Variants in RBFOX1 observed in about 807,000 individuals in gnomAD.
RBFOX1 encodes the protein RNA binding fox-1 homolog 1, also known as RNA binding protein fox-1 homolog 1.
A neutral mutation model predicts 57.7 loss-of-function variants in RBFOX1; 8 were observed. The ratio of observed to expected loss-of-function variants is 0.14; its 90% CI spans 0.08 to 0.25. RBFOX1 has a LOEUF of 0.25. Among genes scored for constraint, RBFOX1 ranks in the 10% least tolerant of loss-of-function variants. The pLI is 1.00. For missense variants in RBFOX1, 611 were observed against 548.5 expected (o/e 1.11, Z -1.14); for synonymous variants, 326 against 222.4 (o/e 1.47, Z -4.15).
intron 1 of RBFOX1, among the ~76,000 whole-genome samples, chr16:5,324,123 T>C (rs1830307): frequency 1 from 152,195 of 152,314 alleles, 76,039 homozygotes; most frequent in Non-Finnish European, 1. Context: ...GGGGAGGGGG[T>C]GGGGGCTGGA....
chr16:6,006,340 G>A (rs1006757159), intron 4 of RBFOX1, among the ~76,000 whole-genome samples: 2 of 151,308 alleles, frequency 1.3e-5, no homozygotes, highest in Non-Finnish European at 2.9e-5. Flanking sequence ...ACCAGTGAGT[G>A]CACACACAAG....
At chr16:6,821,195 G>A (rs955858813) in intron 3 of RBFOX1, among the ~76,000 whole-genome samples, 6 of 152,120 alleles carry the variant, frequency 3.9e-5, no homozygotes, top group African/African-American at 1.4e-4. Context: ...CCTGGATTTG[G>A]CTAGAAGTCC....
intron 14 of RBFOX1, among the ~76,000 whole-genome samples, chr16:7,688,280 A>ACAGG (rs1555779863): frequency 6.7e-5 from 10 of 149,980 alleles, no homozygotes; most frequent in Admixed American, 1.3e-4. Context: ...AGAGAGAGAG[A>ACAGG]GAGATTCAAT....
intron 3 of RBFOX1, among the ~76,000 whole-genome samples, chr16:5,833,932 C>G (rs986320898): frequency 1.3e-5 from 2 of 152,122 alleles, no homozygotes; most frequent in African/African-American, 4.8e-5. Flanking sequence ...GAGGATGACA[C>G]TTTTGTGGCA....
intron 8 of RBFOX1, chr16:7,597,084 T>C: frequency 4.1e-6 from 1 of 243,866 alleles, no homozygotes; most frequent in Non-Finnish European, 7.8e-6. Flanking sequence ...TTTTAAATCT[T>C]CAATTATGCA....
intron 2 of RBFOX1, among the ~76,000 whole-genome samples, chr16:6,364,998 G>A (rs1320881817): frequency 6.6e-6 from 1 of 152,120 alleles, no homozygotes; most frequent in Non-Finnish European, 1.5e-5. Flanking sequence ...CAGTATGTGT[G>A]GGAGGGTACC....
chr16:5,447,408 CT>C, intron 1 of RBFOX1, among the ~76,000 whole-genome samples: 1 of 151,782 alleles, frequency 6.6e-6, no homozygotes, highest in African/African-American at 2.4e-5. Flanking sequence ...CTCTCTCTCT[CT>C]CGACGCAGTC....
chr16:6,651,415 C>T lies in RBFOX1; in HGVS notation c.-63-3188C>T, dbSNP rs75372812. Reference sequence around the variant, plus strand: ...TTCCCCTGCTACACCCTTATCCATCCACCATCATGTCACACCTGGACTCCT... The same window carrying T: ...TTCCCCTGCTACACCCTTATCCATCTACCATCATGTCACACCTGGACTCCT... On this transcript the variant is annotated intron_variant, in intron 2 of 15. Transcript: ENST00000550418. Among the ~76,000 whole-genome samples the T allele has an allele frequency of 6.9e-3, 1,046 of 152,300 alleles. 4 individuals carry two copies. The highest frequency in any genetic ancestry group is 0.01 in the Non-Finnish European group (686 of 68,024).
At chr16:5,719,203 T>C (rs2051835050) in intron 3 of RBFOX1, among the ~76,000 whole-genome samples, 1 of 8,998 alleles carries the variant, frequency 1.1e-4, no homozygotes, top group Non-Finnish European at 4.2e-4. Context: ...TATTAGAATC[T>C]TTTTTTTTTT....
intron 3 of RBFOX1, among the ~76,000 whole-genome samples, chr16:5,754,186 CA>C (rs1567495080): frequency 1.3e-5 from 2 of 152,172 alleles, no homozygotes; most frequent in Non-Finnish European, 2.9e-5. Flanking sequence ...TTTTGAATCC[CA>C]CCTCTGCCAC....
intron 2 of RBFOX1, among the ~76,000 whole-genome samples, chr16:6,645,913 G>A (rs1388466969): frequency 6.6e-6 from 1 of 152,146 alleles, no homozygotes; most frequent in Non-Finnish European, 1.5e-5. Context: ...CAAAACTGGT[G>A]TGGTTGAGTC....
At chr16:6,397,461 G>C (rs1245498120) in intron 2 of RBFOX1, among the ~76,000 whole-genome samples, 1 of 151,906 alleles carries the variant, frequency 6.6e-6, no homozygotes, top group African/African-American at 2.4e-5. Context: ...ATCCTTCACA[G>C]AAATTAATAG....
chr16:5,471,252 T>C (rs1363421799), intron 2 of RBFOX1, among the ~76,000 whole-genome samples: 3 of 152,208 alleles, frequency 2.0e-5, no homozygotes, highest in East Asian at 3.9e-4. Context: ...GGAATTCCTA[T>C]TGAGGAAATG....
chr16:6,588,696 G>A (rs2097666547), intron 2 of RBFOX1, among the ~76,000 whole-genome samples: 3 of 152,046 alleles, frequency 2.0e-5, no homozygotes, highest in African/African-American at 7.2e-5. Context: ...GCATTTTTTG[G>A]TCTTCTATGA....
chr16:7,697,421 G>T (rs1289159536), intron 14 of RBFOX1, among the ~76,000 whole-genome samples: 3 of 152,082 alleles, frequency 2.0e-5, no homozygotes, highest in African/African-American at 7.2e-5. Context: ...TGTAGTAATT[G>T]TCCCTTGTTG....
At chr16:7,164,731 A>C (rs2079076953) in intron 4 of RBFOX1, among the ~76,000 whole-genome samples, 1 of 152,234 alleles carries the variant, frequency 6.6e-6, no homozygotes, top group Admixed American at 6.5e-5. Context: ...GCTGTATAGA[A>C]GTCTGTTGTT....
At chr16:5,421,836 T>A (rs1325369782) in intron 1 of RBFOX1, among the ~76,000 whole-genome samples, 1 of 152,092 alleles carries the variant, frequency 6.6e-6, no homozygotes, top group Admixed American at 6.5e-5. Flanking sequence ...CGTTGTTGGG[T>A]GAGCAAATCC....
intron 3 of RBFOX1, among the ~76,000 whole-genome samples, chr16:5,765,460 C>T (rs745344695): frequency 3.9e-5 from 6 of 152,154 alleles, no homozygotes; most frequent in Non-Finnish European, 7.3e-5. Context: ...CCCTTCTTTC[C>T]CAGAGTCAAC....
At chr16:6,945,838 C>T (rs1407484751) in intron 3 of RBFOX1, among the ~76,000 whole-genome samples, 1 of 152,174 alleles carries the variant, frequency 6.6e-6, no homozygotes, top group Admixed American at 6.5e-5. Context: ...TTGCAGTGTG[C>T]TGAGATCAAA....
Sources: allele counts gnomAD v4.1 joint callset (sites outside exome capture counted in the v4.1 genomes callset), GRCh38; gene constraint gnomAD v4.1.1; transcripts MANE v1.5; gene names NCBI Gene and HGNC (gene_info 2026-07-23, HGNC 2026-07-21).